The following CROT variants were observed in gnomAD, a reference collection of about 807,000 sequenced individuals.
CROT encodes the protein peroxisomal carnitine O-octanoyltransferase.
In CROT, 84 loss-of-function variants were observed where a neutral mutation model predicts 89.2. The observed-to-expected ratio is 0.94, with a 90% CI of 0.79 to 1.13. The LOEUF is 1.13. CROT is among the 50% of genes most tolerant of loss of function. The pLI, the probability that CROT is intolerant of heterozygous loss-of-function variation, is 0.00. For missense variants in CROT, 711 were observed against 727.8 expected, an observed-to-expected ratio of 0.98 and a Z score of 0.27; for synonymous variants, 212 against 239.5, an observed-to-expected ratio of 0.89 and a Z score of 1.06.
At chr7:87,361,684 T>A in intron 5 of CROT, 44 bp from the exon 6 acceptor site, 1 of 1,545,330 alleles carries the variant, frequency 6.5e-7, no homozygotes, top group Non-Finnish European at 8.7e-7. Flanking sequence ...GGCTGGTTTT[T>A]AAATTTTATA....
intron 13 of CROT, among the ~76,000 whole-genome samples, chr7:87,383,497 CTT>C (rs35655724): frequency 1.7e-3 from 221 of 130,414 alleles, no homozygotes; most frequent in Non-Finnish European, 1.9e-3. Context: ...ATGTATATCA[CTT>C]TTTTTTTTTT....
intron 6 of CROT, among the ~76,000 whole-genome samples, chr7:87,362,336 G>T (rs865801141): frequency 2.0e-5 from 3 of 147,170 alleles, no homozygotes; most frequent in Admixed American, 6.8e-5. Context: ...TTGAGACAGG[G>T]TCTCACTCTG....
In CROT at chr7:87,377,332, A is replaced by T; in HGVS notation, c.877-17A>T. 6.6e-7 allele frequency: 1 copy of T among 1,526,198 alleles called. No homozygotes were observed. Among genetic ancestry groups the T allele is most frequent in the Non-Finnish European group, 9.0e-7 (1 of 1,110,802 alleles). 94.5% of individuals were successfully genotyped at this position (1,526,198 alleles called of 1,614,324 possible). On this transcript the variant is annotated splice_polypyrimidine_tract_variant and intron_variant, in intron 9 of 17. Coordinates refer to ENST00000331536, the MANE Select transcript of CROT (RefSeq NM_021151.4). The stretch of plus-strand genomic sequence containing the variant: ...ATATTAAACCCTTTTAATTTGGAAA[A>T]ATTAAATTTATTTTAGATTATTGCA...
In CROT at chr7:87,385,207, T is replaced by A. The variant is rs550819666; in HGVS notation, c.1301+2664T>A. On this transcript the variant is annotated intron_variant, in intron 13 of 17. Coordinates refer to ENST00000331536, the MANE Select transcript of CROT (RefSeq NM_021151.4). Reference sequence around the variant, plus strand: ...TTGTGGTTCCATATGAATTTTTGGATTTTTTTTTCCTATTTTTGTGAAGAA... The same window carrying A: ...TTGTGGTTCCATATGAATTTTTGGAATTTTTTTTCCTATTTTTGTGAAGAA... Among the ~76,000 whole-genome samples, 11 of 151,672 alleles carry A rather than the reference T, an allele frequency of 7.3e-5. No homozygotes were observed. In the South Asian group the frequency reaches 2.3e-3, roughly 32 times the overall value.
At chr7:87,362,335 G>T in intron 6 of CROT, among the ~76,000 whole-genome samples, 1 of 147,806 alleles carries the variant, frequency 6.8e-6, no homozygotes. Context: ...TTTGAGACAG[G>T]GTCTCACTCT....
chr7:87,355,719 C>T (rs1339365813), intron 3 of CROT, among the ~76,000 whole-genome samples: 1 of 152,000 alleles, frequency 6.6e-6, no homozygotes, highest in African/African-American at 2.4e-5. Flanking sequence ...ACAAATACAA[C>T]TCTGAGACTC....
At chr7:87,371,434 C>G (rs575868483) in intron 7 of CROT, among the ~76,000 whole-genome samples, 1 of 152,134 alleles carries the variant, frequency 6.6e-6, no homozygotes, top group African/African-American at 2.4e-5. Flanking sequence ...GTGACCATTT[C>G]TTTATGATAT....
intron 3 of CROT, among the ~76,000 whole-genome samples, chr7:87,358,383 G>T (rs1410156911): frequency 6.7e-6 from 1 of 149,384 alleles, no homozygotes; most frequent in Non-Finnish European, 1.5e-5. Flanking sequence ...TCGGGAGGCT[G>T]AGGCAGGAGA....
rs779849774 is a variant in CROT at position 87,382,106 on chromosome 7, A to G, written c.1095A>G (p.Pro365=). Residue 365 remains proline, a synonymous_variant, in exon 12 of 18, where the codon CCA becomes CCG. Coordinates refer to ENST00000331536, the MANE Select transcript of CROT (RefSeq NM_021151.4). ...GSEKVRDIPL[P]EELIFIVDEK... ...AGAAGGTACGAGATATACCACTTCCAGAAGAGCTCATTTTCATTGTGGATG... is the reference window on the plus strand; with the variant it reads ...AGAAGGTACGAGATATACCACTTCCGGAAGAGCTCATTTTCATTGTGGATG... The G allele has an allele frequency of 1.1e-5, 18 of 1,613,562 alleles. No homozygotes were observed. Among genetic ancestry groups the G allele is most frequent in the Non-Finnish European group, 1.3e-5 (15 of 1,179,658 alleles).
intron 6 of CROT, among the ~76,000 whole-genome samples, chr7:87,362,127 A>T (rs1806296525): frequency 6.6e-6 from 1 of 152,196 alleles, no homozygotes; most frequent in Non-Finnish European, 1.5e-5. Context: ...TCAGAGTATT[A>T]AGAAAATCCT....
chr7:87,392,898 A>C, intron 16 of CROT, 50 bp from the exon 17 acceptor site: 1 of 1,612,140 alleles, frequency 6.2e-7, no homozygotes, highest in Non-Finnish European at 8.5e-7. Flanking sequence ...TTTAGAAACA[A>C]TATAAGCATC....
intron 10 of CROT, among the ~76,000 whole-genome samples, chr7:87,381,610 A>T (rs1045130100): frequency 6.6e-6 from 1 of 152,212 alleles, no homozygotes; most frequent in Admixed American, 6.5e-5. Context: ...TCTAGTAAAA[A>T]TAGCAATTAA....
At chr7:87,359,686 A>G in intron 4 of CROT, 1 of 1,050,960 alleles carries the variant, frequency 9.5e-7, no homozygotes, top group Non-Finnish European at 1.1e-6. Context: ...GAAACACTAA[A>G]ATAGACATGT....
intron 6 of CROT, among the ~76,000 whole-genome samples, chr7:87,367,751 T>C (rs1221821529): frequency 5.3e-5 from 8 of 152,348 alleles, no homozygotes; most frequent in Middle Eastern, 3.4e-3. Context: ...TTTTCTTTAC[T>C]TGATTGTTCC....
At chr7:87,369,306 T>C in intron 6 of CROT, 70 bp from the exon 7 acceptor site, 1 of 949,210 alleles carries the variant, frequency 1.1e-6, no homozygotes, top group Non-Finnish European at 1.6e-6. Context: ...TTTTCTTCTA[T>C]TGGATATATG....
At chr7:87,367,675 G>A (rs775270862) in intron 6 of CROT, among the ~76,000 whole-genome samples, 7 of 152,058 alleles carry the variant, frequency 4.6e-5, no homozygotes, top group Admixed American at 3.3e-4. Context: ...GCTGAGTCCC[G>A]CTTCCTCTTG....
rs760741631 is a variant in CROT, at chr7:87,393,055, T to C, written c.1706T>C (p.Ile569Thr). Residue 569 changes from isoleucine to threonine, a missense_variant, in exon 17 of 18, where the codon ATC becomes ACC. Transcript: ENST00000331536. ...VHNGYGFFYH[I>T]RDDRFVVACS... is the part of the protein sequence containing the mutation. Reference sequence around the variant, plus strand: ...AATGGTTATGGATTTTTCTACCATATCAGAGATGACAGGTGAGGCTTCTCT... The same window carrying C: ...AATGGTTATGGATTTTTCTACCATACCAGAGATGACAGGTGAGGCTTCTCT... 6.2e-7 allele frequency: 1 copy of C among 1,613,322 alleles called. No homozygotes were observed. The highest frequency in any genetic ancestry group is 8.5e-7 in the Non-Finnish European group (1 of 1,179,488).
chr7:87,398,675 A>G lies in CROT; in HGVS notation c.*31A>G. ...AATCATCTATTAAGCACTTACCAAAACATATCATTAAACTGAGTGCTGGGA... is the reference window on the plus strand; with the variant it reads ...AATCATCTATTAAGCACTTACCAAAGCATATCATTAAACTGAGTGCTGGGA... On this transcript the variant is annotated 3_prime_UTR_variant, in exon 18 of 18. Transcript: ENST00000331536. 6.2e-7 allele frequency: 1 copy of G among 1,603,240 alleles called. No homozygotes were observed. Among genetic ancestry groups the G allele is most frequent in the Non-Finnish European group, 8.5e-7 (1 of 1,175,008 alleles).
chr7:87,389,207 C>A (rs1269737738), intron 13 of CROT, among the ~76,000 whole-genome samples: 2 of 152,162 alleles, frequency 1.3e-5, no homozygotes, highest in Non-Finnish European at 2.9e-5. Flanking sequence ...TTGCAGAAGA[C>A]AGTGTGGCGA....
Sources: gnomAD v4.1 joint callset for allele counts (sites outside exome capture counted in the v4.1 genomes callset) on GRCh38, gnomAD v4.1.1 for gene constraint, MANE v1.5 for transcripts, NCBI Gene and HGNC (gene_info 2026-07-23, HGNC 2026-07-21) for gene names.